The following VMP1 variants were observed in gnomAD, a reference collection of about 807,000 sequenced individuals.
VMP1 encodes ectopic P-granules autophagy protein 3 homolog.
VMP1 carries 11 observed loss-of-function variants against 56.0 expected under a neutral mutation model. That is an observed-to-expected ratio of 0.20 (90% CI 0.12 to 0.32). VMP1 has a LOEUF of 0.32. Ranked by LOEUF, VMP1 falls within the 10% of genes least tolerant of loss-of-function variation. The pLI, the probability that VMP1 is intolerant of heterozygous loss-of-function variation, is 1.00. For missense variants in VMP1, 296 were observed against 490.3 expected (o/e 0.60, Z 3.74); for synonymous variants, 149 against 165.0 (o/e 0.90, Z 0.74).
intron 1 of VMP1, among the ~76,000 whole-genome samples, chr17:59,712,396 T>C (rs1170366615): frequency 6.6e-6 from 1 of 152,232 alleles, no homozygotes; most frequent in Non-Finnish European, 1.5e-5. Context: ...CAGACTACAT[T>C]ATCTGTGTAA....
intron 10 of VMP1, among the ~76,000 whole-genome samples, chr17:59,818,639 A>T (rs1568206670): frequency 6.6e-6 from 1 of 151,850 alleles, no homozygotes; most frequent in Non-Finnish European, 1.5e-5. Flanking sequence ...GCGTGGTGGC[A>T]CATGCCTGTA....
chr17:59,787,251 C>G (rs1337771504), intron 7 of VMP1, among the ~76,000 whole-genome samples: 7 of 152,048 alleles, frequency 4.6e-5, no homozygotes. Context: ...TCTTCGTGCC[C>G]CCTTTTACTT....
intron 1 of VMP1, among the ~76,000 whole-genome samples, chr17:59,730,843 GTT>G (rs545256374): frequency 7.0e-6 from 1 of 142,540 alleles, no homozygotes; most frequent in Admixed American, 7.0e-5. Context: ...TTCAAGTTTG[GTT>G]TTTTTTTTTG....
chr17:59,831,756 G>GT (rs1362802715), intron 10 of VMP1, among the ~76,000 whole-genome samples: 1 of 143,348 alleles, frequency 7.0e-6, no homozygotes, highest in East Asian at 2.0e-4. Context: ...TCAAGTCTGT[G>GT]TTTTTTTCTT....
At chr17:59,761,342 G>A (rs181413037) in intron 5 of VMP1, among the ~76,000 whole-genome samples, 53 of 152,174 alleles carry the variant, frequency 3.5e-4, no homozygotes, top group Middle Eastern at 6.8e-3. Flanking sequence ...TTGCTGCTTC[G>A]CATATCTAGT....
chr17:59,800,391 T>G (rs1336794257), intron 7 of VMP1, among the ~76,000 whole-genome samples: 3 of 152,346 alleles, frequency 2.0e-5, no homozygotes, highest in East Asian at 3.9e-4. Context: ...GAGTTTTCAT[T>G]GCTTGGCGTG....
At chr17:59,726,335 C>T (rs1357798128) in intron 1 of VMP1, among the ~76,000 whole-genome samples, 5 of 145,914 alleles carry the variant, frequency 3.4e-5, no homozygotes, top group African/African-American at 1.3e-4. Context: ...GCTCTGTTGT[C>T]CAGGCTGGAG....
At chr17:59,832,182 C>CTTTTTTTTT (rs766864144) in intron 10 of VMP1, among the ~76,000 whole-genome samples, 2 of 102,784 alleles carry the variant, frequency 1.9e-5, no homozygotes, top group African/African-American at 4.1e-5. Context: ...ATGAGATCAA[C>CTTTTTTTTT]TTTTTTTTTT....
chr17:59,835,390 G>A (rs959139887), intron 10 of VMP1, among the ~76,000 whole-genome samples: 2 of 152,072 alleles, frequency 1.3e-5, no homozygotes, highest in African/African-American at 4.8e-5. Context: ...GCCTCCCCTG[G>A]TGCTGGGATC....
chr17:59,767,529 TTGTA>T (rs2036274474), intron 6 of VMP1, among the ~76,000 whole-genome samples: 2 of 152,314 alleles, frequency 1.3e-5, no homozygotes, highest in South Asian at 2.1e-4. Context: ...AAAAGGGACT[TTGTA>T]TGTAAATTTG....
chr17:59,835,625 G>A (rs905590603), intron 10 of VMP1, among the ~76,000 whole-genome samples: 10 of 151,112 alleles, frequency 6.6e-5, no homozygotes, highest in Non-Finnish European at 1.0e-4. Flanking sequence ...CTAGTAGTGG[G>A]GATTCTGTGC....
At chr17:59,731,638 G>A (rs1361414435) in intron 2 of VMP1, 116 bp downstream of exon 2, 9 of 729,512 alleles carry the variant, frequency 1.2e-5, no homozygotes, top group Non-Finnish European at 1.5e-5. Flanking sequence ...TATCTTCTTA[G>A]TAAATTAAAT....
chr17:59,796,045 A>G (rs956939617), intron 7 of VMP1, among the ~76,000 whole-genome samples: 1 of 152,078 alleles, frequency 6.6e-6, no homozygotes. Context: ...AGCACTTTTT[A>G]TCTTTCTTGT....
intron 10 of VMP1, among the ~76,000 whole-genome samples, chr17:59,823,300 A>C (rs577683847): frequency 6.6e-6 from 1 of 151,896 alleles, no homozygotes; most frequent in Admixed American, 6.6e-5. Flanking sequence ...AAAATACAAA[A>C]ATTAGCTGGG....
rs971095445 is a variant in VMP1 at position 59,718,184 on chromosome 17, C to CTTT, written c.-27+10462_-27+10464dup. 2.4e-3 allele frequency among the ~76,000 whole-genome samples: 191 copies of CTTT among 79,286 alleles called. 24 individuals are homozygous for CTTT. The highest frequency in any genetic ancestry group is 3.8e-3 in the African/African-American group (84 of 22,396). 52.0% of individuals were successfully genotyped at this position (79,286 alleles called of 152,430 possible). On this transcript the variant is annotated intron_variant, in intron 1 of 11. Coordinates refer to ENST00000262291, the MANE Select transcript of VMP1 (RefSeq NM_030938.5). Reference sequence around the variant, plus strand: ...ACTTCCTTTCTTCCTTCCCTCCCTCCTTTTTTTTTTTTTTTTTTTTTTTTT... The same window carrying CTTT: ...ACTTCCTTTCTTCCTTCCCTCCCTCCTTTTTTTTTTTTTTTTTTTTTTTTTTTT...
intron 7 of VMP1, among the ~76,000 whole-genome samples, chr17:59,797,340 CAA>C (rs769486306): frequency 2.6e-4 from 17 of 65,110 alleles, no homozygotes; most frequent in Admixed American, 5.4e-4. Context: ...GACTCTGTCT[CAA>C]AAAAAAAAAA....
intron 5 of VMP1, among the ~76,000 whole-genome samples, chr17:59,746,850 G>A (rs2035441388): frequency 6.6e-6 from 1 of 152,184 alleles, no homozygotes; most frequent in African/African-American, 2.4e-5. Context: ...GTTAAAAGGT[G>A]GGTTTCAGGA....
chr17:59,738,374 C>T (rs1187825532), intron 4 of VMP1, among the ~76,000 whole-genome samples: 2 of 152,262 alleles, frequency 1.3e-5, no homozygotes, highest in Admixed American at 6.5e-5. Flanking sequence ...AAGCAGTTTA[C>T]TGCCAATCAC....
chr17:59,709,328 G>A (rs2033815629), intron 1 of VMP1, among the ~76,000 whole-genome samples: 2 of 152,026 alleles, frequency 1.3e-5, no homozygotes. Context: ...CTCGCTTTTG[G>A]CTTGAATCAC....
Sources: gnomAD v4.1 joint callset for allele counts (sites outside exome capture counted in the v4.1 genomes callset) on GRCh38, gnomAD v4.1.1 for gene constraint, MANE v1.5 for transcripts, NCBI Gene and HGNC (gene_info 2026-07-23, HGNC 2026-07-21) for gene names.